The following PAMR1 variants were observed in gnomAD, a reference collection of about 807,000 sequenced individuals.
The protein encoded by PAMR1 is peptidase domain containing associated with muscle regeneration 1.
A neutral mutation model predicts 81.8 loss-of-function variants in PAMR1; 88 were observed. The observed-to-expected ratio is 1.08, with a 90% CI of 0.91 to 1.28. The LOEUF (loss-of-function observed/expected upper bound fraction) is 1.28. Ranked by LOEUF, PAMR1 falls within the 50% of genes most tolerant of loss-of-function variation. The pLI, the probability that PAMR1 is intolerant of heterozygous loss-of-function variation, is 0.00. For missense variants in PAMR1, 935 were observed against 919.7 expected (o/e 1.02, Z -0.21); for synonymous variants, 336 against 345.3 (o/e 0.97, Z 0.30).
chr11:35,504,979 A>G (rs1356829489), intron 1 of PAMR1, among the ~76,000 whole-genome samples: 1 of 151,706 alleles, frequency 6.6e-6, no homozygotes, highest in Non-Finnish European at 1.5e-5. Context: ...TTTTTGATGT[A>G]GGTGTTTATT....
At chr11:35,459,017 T>C (rs1304728369) in intron 6 of PAMR1, among the ~76,000 whole-genome samples, 2 of 152,228 alleles carry the variant, frequency 1.3e-5, no homozygotes, top group African/African-American at 4.8e-5. Flanking sequence ...AATGGAATTC[T>C]TCCCCCCTGA....
intron 1 of PAMR1, among the ~76,000 whole-genome samples, chr11:35,500,803 T>C (rs1308906396): frequency 7.9e-5 from 12 of 152,252 alleles, no homozygotes; most frequent in Admixed American, 7.8e-4. Context: ...AGCATGTTAC[T>C]GTACTGAATA....
chr11:35,435,905 G>C lies in PAMR1; in HGVS notation c.1331C>G (p.Pro444Arg). ...KWSGRAPSCI[P>R]ICGKIENITA... ...CCCAAGAATGAGCCTTGACTCACTA[G>C]GGATGCAGGATGGTGCCCGCCCACT... Residue 444 changes from proline to arginine, a missense_variant and splice_region_variant, in exon 9 of 11, where the codon CCT becomes CGT. Pro to Arg is a moderately radical substitution (Grantham distance 103). Transcript: ENST00000619888. 1 of 1,609,796 alleles carries C rather than the reference G, an allele frequency of 6.2e-7. No individual in the cohort carries two copies. Among genetic ancestry groups the C allele is most frequent in the Non-Finnish European group, 8.5e-7 (1 of 1,176,088 alleles).
At chr11:35,441,233 T>G (rs924285166) in intron 7 of PAMR1, among the ~76,000 whole-genome samples, 2 of 152,186 alleles carry the variant, frequency 1.3e-5, no homozygotes, top group African/African-American at 4.8e-5. Flanking sequence ...TAAACTGCTC[T>G]GATAACTACA....
intron 1 of PAMR1, among the ~76,000 whole-genome samples, chr11:35,503,920 G>C (rs1850901903): frequency 6.6e-6 from 1 of 152,062 alleles, no homozygotes; most frequent in South Asian, 2.1e-4. Flanking sequence ...TAATAAAAGT[G>C]GTGAAAGTGG....
rs1424005811 is a variant in PAMR1, at chr11:35,483,003, C to A, written c.380-8259G>T. On this transcript the variant is annotated intron_variant, in intron 3 of 10. Coordinates refer to ENST00000619888, the MANE Select transcript of PAMR1 (RefSeq NM_001001991.3). ...GAAAATTTCCATTTCATCACCCATG[C>A]TCTATTTCTTTTGACTGGTTGTTCT... 1.3e-5 allele frequency among the ~76,000 whole-genome samples: 2 copies of A among 152,180 alleles called. 1 individual carries two copies. The highest frequency in any genetic ancestry group is 4.1e-4 in the South Asian group (2 of 4,832).
upstream of PAMR1, among the ~76,000 whole-genome samples, chr11:35,527,678 G>T (rs1033624830): frequency 8.5e-5 from 13 of 152,170 alleles, no homozygotes; most frequent in African/African-American, 2.9e-4. Context: ...GTAGGCATAA[G>T]AGCCTCTCAG....
At chr11:35,473,243 G>T (rs1850222644) in intron 4 of PAMR1, among the ~76,000 whole-genome samples, 1 of 152,292 alleles carries the variant, frequency 6.6e-6, no homozygotes, top group South Asian at 2.1e-4. Flanking sequence ...CCCTGGCCAG[G>T]TGCTCCAGAC....
At chr11:35,439,722 A>G (rs755419127) in intron 7 of PAMR1, 29 bp from the exon 8 acceptor site, 1 of 1,568,686 alleles carries the variant, frequency 6.4e-7, no homozygotes, top group Non-Finnish European at 8.8e-7. Context: ...ATGCTGCATG[A>G]TCCTTTTCCA....
rs537968855 is a variant in PAMR1, at chr11:35,484,449, G to A, written c.379+7596C>T. Among the ~76,000 whole-genome samples, 12 of 152,292 alleles carry A rather than the reference G, an allele frequency of 7.9e-5. No individual in the cohort carries two copies. In the South Asian group the frequency reaches 8.3e-4, roughly 11 times the overall value. ...CAGTAACTCCACCCTAGGCGATTCCGCAGCTCCCCTGGAGGGCAGCCCCGA... is the reference window on the plus strand; with the variant it reads ...CAGTAACTCCACCCTAGGCGATTCCACAGCTCCCCTGGAGGGCAGCCCCGA... On this transcript the variant is annotated intron_variant, in intron 3 of 10. Coordinates refer to ENST00000619888, the MANE Select transcript of PAMR1 (RefSeq NM_001001991.3).
At chr11:35,442,771 T>G (rs546381019) in intron 6 of PAMR1, among the ~76,000 whole-genome samples, 1 of 151,758 alleles carries the variant, frequency 6.6e-6, no homozygotes, top group Non-Finnish European at 1.5e-5. Context: ...ACCAGCTAAT[T>G]TTTGTATTTT....
chr11:35,492,377 G>A (rs1343690237), intron 2 of PAMR1, among the ~76,000 whole-genome samples: 3 of 152,150 alleles, frequency 2.0e-5, no homozygotes, highest in Admixed American at 6.5e-5. Flanking sequence ...GAGTTTAGAA[G>A]GGTGGTCTCA....
At chr11:35,436,237 G>T (rs1431466304) in intron 8 of PAMR1, 102 bp from the exon 9 acceptor site, 9 of 737,928 alleles carry the variant, frequency 1.2e-5, no homozygotes, top group African/African-American at 1.7e-5. Context: ...TTTGTTTACA[G>T]AAACAGAAAA....
At chr11:35,518,600 T>C (rs924377150) in intron 1 of PAMR1, among the ~76,000 whole-genome samples, 4 of 144,896 alleles carry the variant, frequency 2.8e-5, no homozygotes, top group Non-Finnish European at 6.1e-5. Flanking sequence ...GAGAATTAAC[T>C]GATTACTTCA....
chr11:35,461,682 T>C (rs1856658486), intron 6 of PAMR1, among the ~76,000 whole-genome samples: 4 of 152,110 alleles, frequency 2.6e-5, no homozygotes, highest in Admixed American at 2.6e-4. Flanking sequence ...GCTTCTACTA[T>C]GTTCAGTGGC....
chr11:35,501,549 TTTTAA>T (rs1565355195), intron 1 of PAMR1, among the ~76,000 whole-genome samples: 2 of 150,840 alleles, frequency 1.3e-5, no homozygotes, highest in African/African-American at 4.9e-5. Context: ...TTTTTCCTGT[TTTTAA>T]TTTAATTATT....
At position 35,436,033 on chromosome 11, in the gene PAMR1, C is replaced by A; in HGVS notation, c.1203G>T (p.Met401Ile). 1 of 1,614,094 alleles carries A rather than the reference C, an allele frequency of 6.2e-7. No individual in the cohort carries two copies. The highest frequency in any genetic ancestry group is 8.5e-7 in the Non-Finnish European group (1 of 1,180,016). Residue 401 changes from methionine (M) to isoleucine (I), a missense_variant, in exon 9 of 11, where the codon ATG becomes ATT. Coordinates refer to ENST00000619888, the MANE Select transcript of PAMR1 (RefSeq NM_001001991.3). ...GCTGGGTATGCAGATGTTGGTATCC[C>A]ATGGGCAGATCTCCAAAGGGAAGGG... ...KPALPFGDLP[M>I]GYQHLHTQLQ...
At chr11:35,507,066 G>A (rs1268967504) in intron 1 of PAMR1, among the ~76,000 whole-genome samples, 1 of 16,908 alleles carries the variant, frequency 5.9e-5, no homozygotes, top group Non-Finnish European at 1.3e-4. Context: ...TTTTTTTTTT[G>A]ACAGAGTTTT....
At chr11:35,511,328 G>A (rs555407570) in intron 1 of PAMR1, among the ~76,000 whole-genome samples, 33 of 152,360 alleles carry the variant, frequency 2.2e-4, no homozygotes, top group African/African-American at 7.9e-4. Flanking sequence ...GTCTGCAAGT[G>A]CAATGTCTTC....
Sources: gnomAD v4.1 joint callset for allele counts (sites outside exome capture counted in the v4.1 genomes callset) on GRCh38, gnomAD v4.1.1 for gene constraint, MANE v1.5 for transcripts, NCBI Gene and HGNC (gene_info 2026-07-23, HGNC 2026-07-21) for gene names.